PIAS4: variants seen among roughly 807,000 people sequenced by gnomAD.
The protein encoded by PIAS4 is E3 SUMO-protein ligase PIAS4.
Under a neutral mutation model 58.0 loss-of-function variants are expected in PIAS4, and 7 were observed. The observed-to-expected ratio is 0.12, with a 90% CI of 0.07 to 0.23. PIAS4 has a LOEUF of 0.23. Ranked by LOEUF, PIAS4 falls within the 10% of genes least tolerant of loss-of-function variation. The pLI is 1.00. For synonymous variants in PIAS4, 364 were observed against 312.4 expected (o/e 1.17, Z -1.74); for missense variants, 550 against 709.5 (o/e 0.78, Z 2.55).
intron 9 of PIAS4, among the ~76,000 whole-genome samples, chr19:4,034,896 C>T (rs2040259354): frequency 6.6e-6 from 1 of 152,178 alleles, no homozygotes; most frequent in African/African-American, 2.4e-5. Context: ...GCTGGGTGAC[C>T]CCAGGGTCCC....
At chr19:4,024,371 T>G (rs2028824) in intron 3 of PIAS4, among the ~76,000 whole-genome samples, 132,393 of 152,050 alleles carry the variant, frequency 0.87, 58,339 homozygotes, top group East Asian at 0.96. Flanking sequence ...TGTGCCCTTT[T>G]AACACGGTCT....
intron 7 of PIAS4, among the ~76,000 whole-genome samples, chr19:4,032,357 C>CGCA (rs1568220010): frequency 6.6e-6 from 1 of 151,982 alleles, no homozygotes; most frequent in Non-Finnish European, 1.5e-5. Flanking sequence ...TGGCCTGCCC[C>CGCA]CCATGGCCCA....
In PIAS4 at chr19:4,028,705, C is replaced by T; in HGVS notation, c.673-15C>T. The T allele has an allele frequency of 6.2e-7, 1 of 1,605,444 alleles. No homozygotes were observed. Among genetic ancestry groups the T allele is most frequent in the Non-Finnish European group, 8.5e-7 (1 of 1,174,856 alleles). On this transcript the variant is annotated splice_polypyrimidine_tract_variant and intron_variant, in intron 5 of 10. Coordinates refer to ENST00000262971, the MANE Select transcript of PIAS4 (RefSeq NM_015897.4). ...CCGCTCTTGGCTCGAGGCTGAGCGG[C>T]CCATCTGCTTGCAGGGCTACTACCC...
chr19:4,028,645 C>A lies in PIAS4; in HGVS notation c.672+45C>A, dbSNP rs201568414. On this transcript the variant is annotated intron_variant, in intron 5 of 10. Coordinates refer to ENST00000262971, the MANE Select transcript of PIAS4 (RefSeq NM_015897.4). ...GCGTCGGCTGCACGGGTTTGGGGGG[C>A]GTGGAGGGAGGGTGGGGGCCGTCGG... 181 of 1,606,438 alleles carry A rather than the reference C, an allele frequency of 1.1e-4. No individual in the cohort carries two copies. The African/African-American group carries it at 2.2e-3, about 20-fold the overall frequency.
chr19:4,023,498 A>G (rs971560238), intron 2 of PIAS4, among the ~76,000 whole-genome samples: 45 of 152,114 alleles, frequency 3.0e-4, no homozygotes, highest in African/African-American at 1.1e-3. Flanking sequence ...ACAAAAACCA[A>G]TGTTTTCTGA....
chr19:4,033,128 C>T lies in PIAS4; in HGVS notation c.936C>T (p.Asp312=). The T allele has an allele frequency of 6.2e-7, 1 of 1,611,742 alleles. No individual in the cohort carries two copies. ...LVKEKLRLDP[D]SEIATTGVRV... is the part of the protein sequence containing the mutation. ...AGGAGAAGCTGCGCCTTGATCCTGA[C>T]AGCGAGATCGCCACCACCGGTGTGC... The change falls in exon 8 of 11, where the codon GAC becomes GAT. Residue 312 remains aspartate, a synonymous_variant. Coordinates refer to ENST00000262971, the MANE Select transcript of PIAS4 (RefSeq NM_015897.4).
chr19:4,016,901 G>A (rs1448182992), intron 2 of PIAS4, among the ~76,000 whole-genome samples: 1 of 151,542 alleles, frequency 6.6e-6, no homozygotes, highest in Admixed American at 6.6e-5. Context: ...GGGGAAGGCT[G>A]GGGGCTACCC....
At chr19:4,033,282 A>T in intron 8 of PIAS4, 109 bp downstream of exon 8, 4 of 1,355,648 alleles carry the variant, frequency 3.0e-6, no homozygotes, top group Middle Eastern at 3.8e-4. Flanking sequence ...TGCGGGGGCG[A>T]GGCTGGTCTT....
At chr19:4,028,083 T>A in intron 3 of PIAS4, 63 bp from the exon 4 acceptor site, 1 of 1,520,576 alleles carries the variant, frequency 6.6e-7, no homozygotes, top group African/African-American at 1.4e-5. Context: ...TCGGGTGGGC[T>A]GGGGTCACGC....
chr19:4,028,471 C>T (rs759338110), intron 4 of PIAS4, 39 bp from the exon 5 acceptor site: 28 of 1,478,250 alleles, frequency 1.9e-5, no homozygotes, highest in African/African-American at 2.8e-5. Context: ...CCCTCCTGTG[C>T]GCCCCCTCCC....
chr19:4,029,007 T>C lies in PIAS4; in HGVS notation c.878T>C (p.Val293Ala). The C allele has an allele frequency of 6.2e-7, 1 of 1,607,922 alleles. No homozygotes were observed. Among genetic ancestry groups the C allele is most frequent in the Non-Finnish European group, 8.5e-7 (1 of 1,177,912 alleles). Reference sequence around the variant, plus strand: ...CTGCAGAGGCTGAAGACCATTGGGGTAAAGCACCCGGAGCTGTGCAAGGCA... The same window carrying C: ...CTGCAGAGGCTGAAGACCATTGGGGCAAAGCACCCGGAGCTGTGCAAGGCA... ...ELLQRLKTIG[V>A]KHPELCKALV... Residue 293 changes from valine (V) to alanine (A), a missense_variant, in exon 7 of 11, where the codon GTA becomes GCA. Val to Ala is a moderately conservative substitution (Grantham distance 64). Transcript: ENST00000262971.
In PIAS4 at chr19:4,013,454, G is replaced by A. The variant is rs769080494; in HGVS notation, c.454+105G>A. On this transcript the variant is annotated intron_variant, in intron 2 of 10. Transcript: ENST00000262971. The surrounding 1 kb of genome is among the most constrained non-coding windows in gnomAD (Gnocchi z 5.1). ...GACTTCGAGTGATGTTCTCTGTGGCGCAGCCAGGGCGGGGAGCCACAGTGG... is the reference window on the plus strand; with the variant it reads ...GACTTCGAGTGATGTTCTCTGTGGCACAGCCAGGGCGGGGAGCCACAGTGG... The A allele has an allele frequency of 2.1e-5, 22 of 1,055,940 alleles. No individual in the cohort carries two copies. Among genetic ancestry groups the A allele is most frequent in the East Asian group, 5.0e-5 (2 of 40,120 alleles). The allele number at this position is 1,055,940 out of a possible 1,614,324, so 65.4% of individuals were successfully genotyped here. A position where few individuals can be genotyped will look rare whatever the true frequency, so the allele number is the denominator to read the frequency against.
rs564269101 is a variant in PIAS4 at position 4,028,016 on chromosome 19, G to T, written c.540-130G>T. The T allele has an allele frequency of 6.0e-4, 529 of 888,004 alleles. 2 individuals carry two copies. The African/African-American group carries it at 7.8e-3, about 13-fold the overall frequency. The allele number at this position is 888,004 out of a possible 1,614,324, so 55.0% of individuals were successfully genotyped here. A position where few individuals can be genotyped will look rare whatever the true frequency, so the allele number is the denominator to read the frequency against. On this transcript the variant is annotated intron_variant, in intron 3 of 10. Coordinates refer to ENST00000262971, the MANE Select transcript of PIAS4 (RefSeq NM_015897.4). Reference sequence around the variant, plus strand: ...CCCAGCCCGTACAAAAGAGTCCTGGGCCTCAGTTTCCCAGCTCTGGGGGAG... The same window carrying T: ...CCCAGCCCGTACAAAAGAGTCCTGGTCCTCAGTTTCCCAGCTCTGGGGGAG...
chr19:4,011,233 C>G (rs1282052971), intron 1 of PIAS4, among the ~76,000 whole-genome samples: 1 of 152,216 alleles, frequency 6.6e-6, no homozygotes, highest in South Asian at 2.1e-4. Context: ...ACACCCTTGA[C>G]GCTTGAGCTT....
intron 2 of PIAS4, among the ~76,000 whole-genome samples, chr19:4,020,946 C>A (rs2040103574): frequency 6.6e-6 from 1 of 152,144 alleles, no homozygotes; most frequent in African/African-American, 2.4e-5. Flanking sequence ...AGGGAAAATA[C>A]TTTGGAGTGG....
In PIAS4 at chr19:4,033,096, A is replaced by G. The variant is rs1335111544; in HGVS notation, c.908-4A>G. On this transcript the variant is annotated splice_region_variant and splice_polypyrimidine_tract_variant and intron_variant, in intron 7 of 10. Coordinates refer to ENST00000262971, the MANE Select transcript of PIAS4 (RefSeq NM_015897.4). ...TGACGGTGTCTTCCGTTCCCTCCCC[A>G]CAGTCAAGGAGAAGCTGCGCCTTGA... 3.7e-6 allele frequency: 6 copies of G among 1,610,742 alleles called. No homozygotes were observed. The Admixed American group carries it at 6.7e-5, about 18-fold the overall frequency.
intron 7 of PIAS4, among the ~76,000 whole-genome samples, chr19:4,030,175 C>G (rs1019653420): frequency 6.6e-6 from 1 of 150,946 alleles, no homozygotes; most frequent in African/African-American, 2.4e-5. Context: ...GTTGCCCAGG[C>G]TGGTCGTAAA....
At chr19:4,010,951 G>A (rs1283373764) in intron 1 of PIAS4, among the ~76,000 whole-genome samples, 4 of 152,348 alleles carry the variant, frequency 2.6e-5, no homozygotes, top group Non-Finnish European at 5.9e-5. Flanking sequence ...TCTCCAACAG[G>A]ACCCTGGCCC....
chr19:4,033,262 G>A (rs2040240510), intron 8 of PIAS4, 89 bp downstream of exon 8: 27 of 1,426,640 alleles, frequency 1.9e-5, no homozygotes, highest in South Asian at 1.1e-4. Context: ...GCTTGGCTGG[G>A]CCGTGAGCCT....
Sources: allele counts gnomAD v4.1 joint callset (sites outside exome capture counted in the v4.1 genomes callset), GRCh38; gene constraint gnomAD v4.1.1; non-coding constraint Gnocchi (gnomAD v3.1); transcripts MANE v1.5; gene names NCBI Gene and HGNC (gene_info 2026-07-23, HGNC 2026-07-21).